LOC400499: variants seen among roughly 807,000 people sequenced by gnomAD.
the LOC400499 span, among the ~76,000 whole-genome samples, chr16:11,388,664 C>T: frequency 2.6e-5 from 4 of 152,112 alleles, no homozygotes; most frequent in African/African-American, 4.8e-5. Flanking sequence ...AGTGAAAGGG[C>T]GATCACATCC....
chr16:11,396,329 C>T, the LOC400499 span: 4 of 526,600 alleles, frequency 7.6e-6, no homozygotes, highest in Middle Eastern at 5.5e-4. Flanking sequence ...TGGGGTTCAG[C>T]AGGCGTTCCC....
At chr16:11,484,039 G>A in the LOC400499 span, among the ~76,000 whole-genome samples, 10 of 104,806 alleles carry the variant, frequency 9.5e-5, no homozygotes, top group Admixed American at 6.3e-4. Context: ...ACAGACTCTC[G>A]CTCTGTCGCC....
the LOC400499 span, among the ~76,000 whole-genome samples, chr16:11,395,069 A>G: frequency 3.9e-5 from 6 of 152,214 alleles, no homozygotes; most frequent in Admixed American, 6.5e-5. Context: ...ACCAAGCACA[A>G]TGTGATCTTG....
At chr16:11,514,813 C>A in the LOC400499 span, among the ~76,000 whole-genome samples, 1 of 152,192 alleles carries the variant, frequency 6.6e-6, no homozygotes, top group Non-Finnish European at 1.5e-5. Flanking sequence ...AGTGACCCCC[C>A]AGGAGAGGAA....
the LOC400499 span, chr16:11,390,309 G>T: frequency 1.6e-6 from 2 of 1,233,100 alleles, no homozygotes; most frequent in Non-Finnish European, 2.0e-6. Context: ...TGGCCCCCAG[G>T]GCCGCCCTGA....
At chr16:11,497,158 G>C in the LOC400499 span, among the ~76,000 whole-genome samples, 139 of 152,294 alleles carry the variant, frequency 9.1e-4, no homozygotes, top group Non-Finnish European at 1.8e-3. Context: ...GATCCAGTGT[G>C]CGTGTGCACG....
the LOC400499 span, among the ~76,000 whole-genome samples, chr16:11,467,878 A>G: frequency 6.6e-6 from 1 of 152,192 alleles, no homozygotes; most frequent in African/African-American, 2.4e-5. Context: ...TTCACACATG[A>G]TTAAGCTAAG....
the LOC400499 span, among the ~76,000 whole-genome samples, chr16:11,483,488 G>C: frequency 3.9e-5 from 6 of 152,296 alleles, no homozygotes; most frequent in East Asian, 1.2e-3. Flanking sequence ...AAGAAACTAT[G>C]TTATAACCTA....
At chr16:11,492,770 G>A in the LOC400499 span, among the ~76,000 whole-genome samples, 19 of 139,868 alleles carry the variant, frequency 1.4e-4, no homozygotes, top group South Asian at 4.1e-3. Context: ...GGGTGACAGA[G>A]TGAGACTCCG....
At chr16:11,484,910 C>G in the LOC400499 span, 4 of 399,308 alleles carry the variant, frequency 1.0e-5, no homozygotes, top group Non-Finnish European at 1.8e-5. Flanking sequence ...CCTTCTGTCT[C>G]TGTCTCCTGG....
chr16:11,383,780 C>G, the LOC400499 span: 1 of 1,232,208 alleles, frequency 8.1e-7, no homozygotes, highest in Non-Finnish European at 1.0e-6. Context: ...GGTGTAGGGT[C>G]TACCTGAAAT....
the LOC400499 span, among the ~76,000 whole-genome samples, chr16:11,422,004 G>C: frequency 1.3e-5 from 2 of 152,238 alleles, no homozygotes; most frequent in Non-Finnish European, 2.9e-5. Context: ...CAAACACTCT[G>C]TAGTTCCCCA....
At chr16:11,506,757 C>G in the LOC400499 span, among the ~76,000 whole-genome samples, 1 of 152,298 alleles carries the variant, frequency 6.6e-6, no homozygotes, top group South Asian at 2.1e-4. Flanking sequence ...GTTTTGTTTC[C>G]AGACTGAAAA....
the LOC400499 span, among the ~76,000 whole-genome samples, chr16:11,454,850 G>C: frequency 2.6e-5 from 4 of 152,138 alleles, no homozygotes; most frequent in Non-Finnish European, 5.9e-5. Context: ...TAAGAAAAAG[G>C]GATTGTGACC....
At chr16:11,420,976 G>C in the LOC400499 span, among the ~76,000 whole-genome samples, 3,472 of 152,272 alleles carry the variant, frequency 0.023, 148 homozygotes, top group African/African-American at 0.079. Context: ...CCCAGGGCTG[G>C]ACTTGTCCTG....
chr16:11,420,330 A>T, the LOC400499 span, among the ~76,000 whole-genome samples: 1 of 151,900 alleles, frequency 6.6e-6, no homozygotes, highest in African/African-American at 2.4e-5. Context: ...CATTCTCAGC[A>T]AACTATCACA....
At chr16:11,515,812 AGAG>A in the LOC400499 span, 76 of 398,926 alleles carry the variant, frequency 1.9e-4, no homozygotes, top group African/African-American at 1.1e-3. Flanking sequence ...AAGAGGAAGA[AGAG>A]GAGAAGGGTC....
chr16:11,379,158 G>T, the LOC400499 span, among the ~76,000 whole-genome samples: 24 of 152,296 alleles, frequency 1.6e-4, no homozygotes, highest in African/African-American at 5.5e-4. Context: ...TGAGGCCTAA[G>T]AATCACTTGA....
chr16:11,385,701 G>A, the LOC400499 span, among the ~76,000 whole-genome samples: 7 of 152,370 alleles, frequency 4.6e-5, no homozygotes, highest in African/African-American at 1.4e-4. Context: ...TGGCTCAAAT[G>A]CCACAGGGTC....
Sources: gnomAD v4.1 joint callset for allele counts (sites outside exome capture counted in the v4.1 genomes callset) on GRCh38, gnomAD v4.1.1 for gene constraint, MANE v1.5 for transcripts.